The following CTNS variants were observed in gnomAD, a reference collection of about 807,000 sequenced individuals.
CTNS encodes cystinosin.
CTNS carries 27 observed loss-of-function variants against 43.7 expected under a neutral mutation model. The ratio of observed to expected loss-of-function variants is 0.62; its 90% CI spans 0.46 to 0.85. The LOEUF (loss-of-function observed/expected upper bound fraction) is 0.85. Ranked by LOEUF, CTNS falls within the 40% of genes least tolerant of loss-of-function variation. The pLI, the probability that CTNS is intolerant of heterozygous loss-of-function variation, is 0.00. For synonymous variants in CTNS, 187 were observed against 190.6 expected (o/e 0.98, Z 0.16); for missense variants, 457 against 475.4 (o/e 0.96, Z 0.36).
At chr17:3,643,618 G>A (rs1411701485) in intron 3 of CTNS, among the ~76,000 whole-genome samples, 2 of 152,058 alleles carry the variant, frequency 1.3e-5, no homozygotes, top group Non-Finnish European at 2.9e-5. Flanking sequence ...AGGCTGGAGT[G>A]CAATGTGGCG....
At chr17:3,640,865 C>T (rs1023925778) in intron 3 of CTNS, among the ~76,000 whole-genome samples, 1 of 152,184 alleles carries the variant, frequency 6.6e-6, no homozygotes, top group African/African-American at 2.4e-5. Flanking sequence ...GATCACACTA[C>T]TGCACTCCGG....
Position 3,650,099 on chromosome 17 carries a change from A to G in CTNS, c.225+1168A>G, listed in dbSNP as rs1004468039. The G allele has an allele frequency of 6.6e-6, 10 of 1,514,442 alleles. No homozygotes were observed. In the South Asian group the frequency reaches 8.6e-5, roughly 13 times the overall value. 93.8% of individuals were successfully genotyped at this position (1,514,442 alleles called of 1,614,324 possible). A position where few individuals can be genotyped will look rare whatever the true frequency, so the allele number is the denominator to read the frequency against. On this transcript the variant is annotated intron_variant, in intron 5 of 11. Transcript: ENST00000046640. ...GCTTGATTTAGTCATTTCACAATGTATGCATACATCAAAGCATCACGTTAT... is the reference window on the plus strand; with the variant it reads ...GCTTGATTTAGTCATTTCACAATGTGTGCATACATCAAAGCATCACGTTAT...
chr17:3,643,129 ATGGT>A lies in CTNS; in HGVS notation c.61+2863_61+2866del, dbSNP rs1404785098. Among the ~76,000 whole-genome samples, 5 of 152,132 alleles carry A rather than the reference ATGGT, an allele frequency of 3.3e-5. No homozygotes were observed. The East Asian group carries it at 9.7e-4, about 29-fold the overall frequency. On this transcript the variant is annotated intron_variant, in intron 3 of 11. Coordinates refer to ENST00000046640, the MANE Select transcript of CTNS (RefSeq NM_004937.3). ...GGAGATCGAGACTATCCTGGCTAAC[ATGGT>A]GAAATCCCGTCTCTACCAAAAATAC...
chr17:3,652,585 T>A (rs1460656344), intron 5 of CTNS, among the ~76,000 whole-genome samples: 1 of 151,870 alleles, frequency 6.6e-6, no homozygotes, highest in Admixed American at 6.6e-5. Context: ...TGAGCAAAAC[T>A]CCATCTAAAA....
At chr17:3,649,451 CAA>C (rs34213111) in intron 5 of CTNS, among the ~76,000 whole-genome samples, 2,437 of 94,968 alleles carry the variant, frequency 0.026, 71 homozygotes, top group African/African-American at 0.081. Context: ...GACTCCTTCT[CAA>C]AAAAAAAAAA....
Position 3,657,942 on chromosome 17 carries a change from C to T in CTNS, c.682-63C>T, listed in dbSNP as rs999191761. 13 of 1,588,500 alleles carry T rather than the reference C, an allele frequency of 8.2e-6. No individual in the cohort carries two copies. In the African/African-American group the frequency reaches 1.5e-4, roughly 18 times the overall value. ...CTAAGCCCGCCCTATCCGGGGCCGT[C>T]CTTGCTCAGCCCCGGCGTGGCCTCT... is the stretch of plus-strand genomic sequence containing the variant. On this transcript the variant is annotated intron_variant, in intron 9 of 11. Coordinates refer to ENST00000046640, the MANE Select transcript of CTNS (RefSeq NM_004937.3).
In CTNS at chr17:3,662,930, G is replaced by C. The variant is rs1220940453; in HGVS notation, c.*2561G>C. The C allele has an allele frequency of 1.3e-5, 2 of 152,206 alleles. No homozygotes were observed. Among genetic ancestry groups the C allele is most frequent in the Non-Finnish European group, 2.9e-5 (2 of 68,048 alleles). The allele number at this position is 152,206 out of a possible 1,614,324, so 9.4% of individuals were successfully genotyped here. On this transcript the variant is annotated 3_prime_UTR_variant, in exon 12 of 12. Transcript: ENST00000046640. ...CATTTTTATTGAGCGCACCACATCG[G>C]GGAGGGGCGGCAGTGGTTTCCACGG... is the stretch of plus-strand genomic sequence containing the variant.
chr17:3,647,771 G>A (rs1396766922), intron 4 of CTNS, among the ~76,000 whole-genome samples: 1 of 152,188 alleles, frequency 6.6e-6, no homozygotes, highest in Non-Finnish European at 1.5e-5. Context: ...AGAGACGTGC[G>A]TCTTTTCCCC....
In CTNS at chr17:3,662,452, G is replaced by A. The variant is rs533200063; in HGVS notation, c.*2083G>A. Among the ~76,000 whole-genome samples, 14 of 152,238 alleles carry A rather than the reference G, an allele frequency of 9.2e-5. No homozygotes were observed. Among genetic ancestry groups the A allele is most frequent in the East Asian group, 3.9e-4 (2 of 5,176 alleles). ...ACTCACCCCCATCTGGCCAGATCAC[G>A]GCCCCCAGCAACACGTGGGGTTGTG... On this transcript the variant is annotated 3_prime_UTR_variant, in exon 12 of 12. Coordinates refer to ENST00000046640, the MANE Select transcript of CTNS (RefSeq NM_004937.3).
At position 3,660,507 on chromosome 17, in the gene CTNS, C is replaced by T; in HGVS notation, c.*138C>T. On this transcript the variant is annotated 3_prime_UTR_variant, in exon 12 of 12. Transcript: ENST00000046640. ...TGCGGACAGAGGAGACCACTCTGCTCCTGGGGCCAGAGGCCATTCAATAGC... is the reference window on the plus strand; with the variant it reads ...TGCGGACAGAGGAGACCACTCTGCTTCTGGGGCCAGAGGCCATTCAATAGC... The T allele has an allele frequency of 4.3e-6, 7 of 1,612,440 alleles. No homozygotes were observed. The highest frequency in any genetic ancestry group is 5.1e-6 in the Non-Finnish European group (6 of 1,179,946).
chr17:3,647,181 C>T (rs529893048), intron 3 of CTNS, among the ~76,000 whole-genome samples: 10 of 152,316 alleles, frequency 6.6e-5, no homozygotes, highest in Admixed American at 2.0e-4. Context: ...TTAACTCAGC[C>T]GCAGACTCTC....
intron 3 of CTNS, among the ~76,000 whole-genome samples, chr17:3,644,109 A>G (rs1447928016): frequency 6.6e-6 from 1 of 152,220 alleles, no homozygotes; most frequent in East Asian, 1.9e-4. Context: ...CCTTGGGCTA[A>G]AAATATCCTG....
intron 5 of CTNS, among the ~76,000 whole-genome samples, chr17:3,649,404 A>G (rs1043806357): frequency 2.0e-5 from 3 of 150,558 alleles, no homozygotes; most frequent in Non-Finnish European, 4.4e-5. Context: ...GTGAGCCTAG[A>G]TGGCCCCACT....
intron 7 of CTNS, 100 bp downstream of exon 7, chr17:3,655,452 C>G: frequency 1.9e-6 from 3 of 1,538,886 alleles, no homozygotes; most frequent in South Asian, 1.1e-5. Context: ...TCCCCTCTAC[C>G]CTTCTGTCTG....
rs78833685 is a variant in CTNS, at chr17:3,661,486, G to A, written c.*1117G>A. 3.8e-3 allele frequency: 581 copies of A among 152,500 alleles called. 16 individuals carry two copies. In the East Asian group the frequency reaches 0.054, roughly 14 times the overall value. 9.4% of individuals were successfully genotyped at this position (152,500 alleles called of 1,614,324 possible). ...GTCAGTCCACTGAGTTTCCTTCTAC[G>A]AGATCAACGCGAGGGGCCTGTATCT... On this transcript the variant is annotated 3_prime_UTR_variant, in exon 12 of 12. Transcript: ENST00000046640.
chr17:3,639,666 T>TAAA (rs1349837613), intron 2 of CTNS, among the ~76,000 whole-genome samples: 1 of 77,408 alleles, frequency 1.3e-5, no homozygotes. Flanking sequence ...AGACTCTGTC[T>TAAA]CAAAAAAAAA....
At chr17:3,641,975 TG>T (rs1567696758) in intron 3 of CTNS, among the ~76,000 whole-genome samples, 1 of 151,808 alleles carries the variant, frequency 6.6e-6, no homozygotes, top group African/African-American at 2.4e-5. Flanking sequence ...GATCAGACTT[TG>T]TAAGACTGAG....
At chr17:3,653,316 G>A (rs2076036006) in intron 5 of CTNS, among the ~76,000 whole-genome samples, 2 of 152,198 alleles carry the variant, frequency 1.3e-5, no homozygotes, top group Admixed American at 6.5e-5. Flanking sequence ...AGGAGGCTGA[G>A]GCAGGAGAAT....
intron 3 of CTNS, among the ~76,000 whole-genome samples, chr17:3,641,582 G>T (rs2075709353): frequency 6.6e-6 from 1 of 151,112 alleles, no homozygotes; most frequent in Non-Finnish European, 1.5e-5. Context: ...TAGTAGAGAT[G>T]GGGTTTCACC....
Sources: gnomAD v4.1 joint callset for allele counts (sites outside exome capture counted in the v4.1 genomes callset) on GRCh38, gnomAD v4.1.1 for gene constraint, MANE v1.5 for transcripts, NCBI Gene and HGNC (gene_info 2026-07-23, HGNC 2026-07-21) for gene names.